MEOX2: variants seen among roughly 807,000 people sequenced by gnomAD.
MEOX2 encodes mesenchyme homeobox 2.
In MEOX2, 11 loss-of-function variants were observed where a neutral mutation model predicts 27.0. That is an observed-to-expected ratio of 0.41 (90% CI 0.26 to 0.68). The LOEUF is 0.68. Among genes scored for constraint, MEOX2 ranks in the 30% least tolerant of loss-of-function variants. The probability of loss-of-function intolerance (pLI) is 0.33; values close to 1 mark genes in which losing one functional copy is unlikely to be tolerated. For missense variants in MEOX2, 436 were observed against 385.4 expected (o/e 1.13, Z -1.10); for synonymous variants, 189 against 155.4 (o/e 1.22, Z -1.61).
In MEOX2 at chr7:15,685,762, C is replaced by T. The variant is rs181381395; in HGVS notation, c.517+124G>A. ...ACCGCCGAATTTGGCCGCAGGAAGC[C>T]ACAGAGGGCAACACATTCCCATCTT... On this transcript the variant is annotated intron_variant, in intron 1 of 2. Transcript: ENST00000262041. The T allele has an allele frequency of 2.9e-5, 39 of 1,360,196 alleles. No homozygotes were observed. In the East Asian group the frequency reaches 8.8e-4, roughly 31 times the overall value. The allele number at this position is 1,360,196 out of a possible 1,614,324, so 84.3% of individuals were successfully genotyped here.
chr7:15,613,131 C>T (rs1781059477), intron 2 of MEOX2, among the ~76,000 whole-genome samples: 2 of 152,244 alleles, frequency 1.3e-5, no homozygotes, highest in Non-Finnish European at 2.9e-5. Flanking sequence ...CCACCTCACA[C>T]TGAGCCTATC....
At chr7:15,672,475 A>G (rs1415361662) in intron 1 of MEOX2, among the ~76,000 whole-genome samples, 1 of 152,258 alleles carries the variant, frequency 6.6e-6, no homozygotes, top group Non-Finnish European at 1.5e-5. Context: ...TTACCTTTGA[A>G]ATTATAGATT....
At chr7:15,673,872 T>C (rs1403882646) in intron 1 of MEOX2, among the ~76,000 whole-genome samples, 1 of 152,022 alleles carries the variant, frequency 6.6e-6, no homozygotes, top group East Asian at 1.9e-4. Context: ...CATTAGAAAA[T>C]ATCAGAACAT....
At chr7:15,655,359 T>A (rs2115379766) in intron 1 of MEOX2, among the ~76,000 whole-genome samples, 1 of 151,724 alleles carries the variant, frequency 6.6e-6, no homozygotes, top group African/African-American at 2.4e-5. Context: ...TCTTTATTAC[T>A]TTTATATATT....
intron 1 of MEOX2, among the ~76,000 whole-genome samples, chr7:15,635,414 T>A (rs1200616725): frequency 2.6e-5 from 4 of 151,982 alleles, no homozygotes; most frequent in Admixed American, 2.6e-4. Flanking sequence ...ACATTCCAAA[T>A]ACACAGATAT....
At chr7:15,682,982 A>G (rs1000674535) in intron 1 of MEOX2, among the ~76,000 whole-genome samples, 17 of 152,162 alleles carry the variant, frequency 1.1e-4, no homozygotes, top group African/African-American at 3.6e-4. Context: ...ACTTACATAA[A>G]GGAAGCCTAA....
At chr7:15,626,620 G>T in intron 2 of MEOX2, 126 bp downstream of exon 2, 4 of 559,528 alleles carry the variant, frequency 7.1e-6, no homozygotes, top group Non-Finnish European at 9.1e-6. Context: ...TTTTATCATG[G>T]AATAGTATAA....
chr7:15,624,687 C>T (rs1781271062), intron 2 of MEOX2, among the ~76,000 whole-genome samples: 1 of 152,066 alleles, frequency 6.6e-6, no homozygotes, highest in South Asian at 2.1e-4. Context: ...GTAGGGCCAG[C>T]AGTATTACTG....
chr7:15,682,355 GAGTTTA>G (rs1782306840), intron 1 of MEOX2, among the ~76,000 whole-genome samples: 1 of 151,762 alleles, frequency 6.6e-6, no homozygotes, highest in South Asian at 2.1e-4. Context: ...GTATTACTCT[GAGTTTA>G]AGTTCCAACT....
chr7:15,630,388 A>G (rs1290123934), intron 1 of MEOX2, among the ~76,000 whole-genome samples: 2 of 152,034 alleles, frequency 1.3e-5, no homozygotes, highest in Non-Finnish European at 2.9e-5. Flanking sequence ...GAAGACAAGT[A>G]ATGGGAGGGC....
At chr7:15,662,670 G>T (rs1322803637) in intron 1 of MEOX2, among the ~76,000 whole-genome samples, 1 of 152,032 alleles carries the variant, frequency 6.6e-6, no homozygotes, top group Non-Finnish European at 1.5e-5. Flanking sequence ...GATATTTTTG[G>T]CTTAGAACAA....
At chr7:15,662,034 A>T (rs1040458767) in intron 1 of MEOX2, among the ~76,000 whole-genome samples, 4 of 151,660 alleles carry the variant, frequency 2.6e-5, no homozygotes, top group African/African-American at 9.7e-5. Context: ...GTCCATCCTT[A>T]CACCCTGGAA....
Position 15,681,443 on chromosome 7 carries a change from A to G in MEOX2, c.517+4443T>C, listed in dbSNP as rs575314766. On this transcript the variant is annotated intron_variant, in intron 1 of 2. Coordinates refer to ENST00000262041, the MANE Select transcript of MEOX2 (RefSeq NM_005924.5). The stretch of plus-strand genomic sequence containing the variant: ...TGGTGATGTTTTACATAATTCAGCT[A>G]TTAATTCATCTATAGATTTACATTT... 7 of 151,756 alleles carry G rather than the reference A, an allele frequency of 4.6e-5. No individual in the cohort carries two copies. In the South Asian group the frequency reaches 1.0e-3, roughly 22 times the overall value. 9.4% of individuals were successfully genotyped at this position (151,756 alleles called of 1,614,324 possible).
intron 1 of MEOX2, among the ~76,000 whole-genome samples, chr7:15,663,335 CTTT>C (rs765508723): frequency 2.1e-5 from 3 of 143,010 alleles, no homozygotes; most frequent in Non-Finnish European, 1.5e-5. Flanking sequence ...CTGTAGTAAT[CTTT>C]TTTTTTTTTT....
intron 1 of MEOX2, among the ~76,000 whole-genome samples, chr7:15,630,009 G>A (rs1435336957): frequency 6.6e-6 from 1 of 151,960 alleles, no homozygotes; most frequent in African/African-American, 2.4e-5. Context: ...GGGGGAATCT[G>A]GACACTGCCT....
intron 1 of MEOX2, among the ~76,000 whole-genome samples, chr7:15,631,932 G>GTGTGTGTGTGTGTGTT (rs371386224): frequency 6.7e-6 from 1 of 149,838 alleles, no homozygotes; most frequent in Admixed American, 6.7e-5. Flanking sequence ...GTGTGTGTGT[G>GTGTGTGTGTGTGTGTT]GAGAGAAAGA....
intron 1 of MEOX2, among the ~76,000 whole-genome samples, chr7:15,656,471 A>T (rs1781823638): frequency 6.7e-6 from 1 of 148,294 alleles, no homozygotes. Flanking sequence ...TTGGTTAAAC[A>T]TTTGTTTAGA....
intron 1 of MEOX2, among the ~76,000 whole-genome samples, chr7:15,658,017 C>T (rs968598493): frequency 1.3e-5 from 2 of 152,194 alleles, no homozygotes; most frequent in African/African-American, 4.8e-5. Context: ...TCTAGCTCCC[C>T]ACTCGGCCTC....
intron 1 of MEOX2, among the ~76,000 whole-genome samples, chr7:15,655,004 A>G (rs1343607496): frequency 6.6e-6 from 1 of 151,698 alleles, no homozygotes; most frequent in African/African-American, 2.4e-5. Flanking sequence ...ATGACATCAT[A>G]TGGGCCTGTA....
Sources: allele counts gnomAD v4.1 joint callset (sites outside exome capture counted in the v4.1 genomes callset), GRCh38; gene constraint gnomAD v4.1.1; transcripts MANE v1.5; gene names NCBI Gene and HGNC (gene_info 2026-07-23, HGNC 2026-07-21).